ANKH: variants seen among roughly 807,000 people sequenced by gnomAD.
ANKH encodes mineralization regulator ANKH.
A neutral mutation model predicts 49.0 loss-of-function variants in ANKH; 15 were observed. The ratio of observed to expected loss-of-function variants is 0.31; its 90% CI spans 0.20 to 0.47. The LOEUF (loss-of-function observed/expected upper bound fraction) is 0.47, where lower values mean the gene tolerates loss of function less well. Among genes scored for constraint, ANKH ranks in the 20% least tolerant of loss-of-function variants. ANKH has a pLI of 1.00. For synonymous variants in ANKH, 273 were observed against 260.0 expected, an observed-to-expected ratio of 1.05 and a Z score of -0.48; for missense variants, 429 against 652.0, an observed-to-expected ratio of 0.66 and a Z score of 3.72.
chr5:14,812,621 T>A (rs73050667), intron 1 of ANKH, among the ~76,000 whole-genome samples: 2,883 of 152,136 alleles, frequency 0.019, 68 homozygotes, highest in African/African-American at 0.053. Flanking sequence ...GCAATAATCC[T>A]ACTAAGTCAG....
At position 14,711,217 on chromosome 5, in the gene ANKH, T is replaced by C. The variant is rs1737177648; in HGVS notation, c.1459A>G (p.Met487Val). The change falls in exon 12 of 12, where the codon ATG becomes GTG. Residue 487 changes from methionine (M) to valine (V), a missense_variant. Around this residue, in one of 2 missense-constraint regions of ANKH, gnomAD observed 51 missense variants for 36.7 expected, o/e 1.39. Coordinates refer to ENST00000284268, the MANE Select transcript of ANKH (RefSeq NM_054027.6). The stretch of plus-strand genomic sequence containing the variant: ...GTGCCTTATTCATTCTCCTCTCTCA[T>C]TTCCACGATGTCTGTCACCTCCTCT... ...PTEEVTDIVE[M>V]REENE 6.2e-7 allele frequency: 1 copy of C among 1,614,036 alleles called. No homozygotes were observed. Among genetic ancestry groups the C allele is most frequent in the African/African-American group, 1.3e-5 (1 of 74,928 alleles).
chr5:14,710,217 T>C lies in ANKH; in HGVS notation c.*980A>G, dbSNP rs1737113872. ...CCAGGTAATATATCTACTTCAAAAGTTACCCTACAGCAACCTGGCATTAGA... is the reference window on the plus strand; with the variant it reads ...CCAGGTAATATATCTACTTCAAAAGCTACCCTACAGCAACCTGGCATTAGA... On this transcript the variant is annotated 3_prime_UTR_variant, in exon 12 of 12. Coordinates refer to ENST00000284268, the MANE Select transcript of ANKH (RefSeq NM_054027.6). The C allele has an allele frequency of 6.6e-6, 1 of 152,120 alleles. No individual in the cohort carries two copies. Among genetic ancestry groups the C allele is most frequent in the Non-Finnish European group, 1.5e-5 (1 of 68,016 alleles). The allele number at this position is 152,120 out of a possible 1,614,324, so 9.4% of individuals were successfully genotyped here. A position where few individuals can be genotyped will look rare whatever the true frequency, so the allele number is the denominator to read the frequency against.
At chr5:14,780,358 C>G (rs1017461692) in intron 1 of ANKH, among the ~76,000 whole-genome samples, 6 of 152,274 alleles carry the variant, frequency 3.9e-5, no homozygotes, top group African/African-American at 1.2e-4. Flanking sequence ...GCCTGGCCAA[C>G]GTGGCAAAAC....
intron 1 of ANKH, among the ~76,000 whole-genome samples, chr5:14,820,754 A>G (rs1255976363): frequency 2.6e-5 from 4 of 152,238 alleles, no homozygotes; most frequent in Non-Finnish European, 5.9e-5. Flanking sequence ...GAGCTTAACT[A>G]AAGTTTGGTA....
At chr5:14,742,413 T>G (rs906726654) in intron 7 of ANKH, among the ~76,000 whole-genome samples, 2 of 152,240 alleles carry the variant, frequency 1.3e-5, no homozygotes, top group African/African-American at 2.4e-5. Flanking sequence ...TTTCCAGCCA[T>G]GACTTCTCCA....
intron 11 of ANKH, among the ~76,000 whole-genome samples, chr5:14,711,729 C>G (rs780526614): frequency 6.6e-6 from 1 of 152,238 alleles, no homozygotes; most frequent in Non-Finnish European, 1.5e-5. Flanking sequence ...CGTCAGTCAC[C>G]TCTGGGACAG....
rs1470157779 is a variant in ANKH, at chr5:14,736,039, A to T, written c.1011+5788T>A. Among the ~76,000 whole-genome samples the T allele has an allele frequency of 1.8e-4, 15 of 83,706 alleles. 1 individual carries two copies. Among genetic ancestry groups the T allele is most frequent in the African/African-American group, 4.7e-4 (8 of 16,926 alleles). 54.9% of individuals were successfully genotyped at this position (83,706 alleles called of 152,430 possible). A position where few individuals can be genotyped will look rare whatever the true frequency, so the allele number is the denominator to read the frequency against. On this transcript the variant is annotated intron_variant, in intron 8 of 11. Coordinates refer to ENST00000284268, the MANE Select transcript of ANKH (RefSeq NM_054027.6). ...TTTTTTTTTTTTTTTTTTTTTTTTT[A>T]AAGAATCAGATCCTTAAATACAAAC...
intron 1 of ANKH, chr5:14,797,075 T>C: frequency 1.5e-6 from 2 of 1,337,624 alleles, no homozygotes; most frequent in Non-Finnish European, 2.1e-6. Flanking sequence ...ACTCTCGGGG[T>C]TGAGAAGAAA....
rs1561038096 is a variant in ANKH, at chr5:14,751,255, ACGGGAACAGGTCAGAGGGGAGAAG to A, written c.517-40_517-17del. On this transcript the variant is annotated splice_polypyrimidine_tract_variant and intron_variant, in intron 4 of 11. Transcript: ENST00000284268. ...CAAAAACAACCTGAGAGAAGGGAGAACGGGAACAGGTCAGAGGGGAGAAGCGGGAACCGACTGACAGAAGCACAG... is the reference window on the plus strand; with the variant it reads ...CAAAAACAACCTGAGAGAAGGGAGAACGGGAACCGACTGACAGAAGCACAG... 2 of 1,613,724 alleles carry A rather than the reference ACGGGAACAGGTCAGAGGGGAGAAG, an allele frequency of 1.2e-6. No homozygotes were observed.
At position 14,861,060 on chromosome 5, in the gene ANKH, G is replaced by A. The variant is rs553578699; in HGVS notation, c.96+10292C>T. Among the ~76,000 whole-genome samples the A allele has an allele frequency of 9.8e-5, 15 of 152,294 alleles. No individual in the cohort carries two copies. The South Asian group carries it at 2.7e-3, about 27-fold the overall frequency. ...GGCCTCCCAAAGTGCTGGCAGGCAT[G>A]AGCCACCGTGCCCGGCCTACATATA... On this transcript the variant is annotated intron_variant, in intron 1 of 11. Transcript: ENST00000284268.
At chr5:14,783,018 T>C (rs1739857203) in intron 1 of ANKH, among the ~76,000 whole-genome samples, 1 of 152,190 alleles carries the variant, frequency 6.6e-6, no homozygotes, top group Admixed American at 6.5e-5. Flanking sequence ...GTGGGGTTCA[T>C]TTACTTCTGC....
Position 14,713,244 on chromosome 5 carries a change from C to A in ANKH, c.1266-271G>T, listed in dbSNP as rs956191897. Reference sequence around the variant, plus strand: ...GCTGGGAGCTCCCTGAGCGCAGGGACCATGTCCTTCTCTTCTGGTTTTCAT... The same window carrying A: ...GCTGGGAGCTCCCTGAGCGCAGGGAACATGTCCTTCTCTTCTGGTTTTCAT... On this transcript the variant is annotated intron_variant, in intron 10 of 11. Transcript: ENST00000284268. This position sits in a 1 kb window ranked among gnomAD's most constrained non-coding sequence, Gnocchi z 4.4. Among the ~76,000 whole-genome samples, 3 of 152,154 alleles carry A rather than the reference C, an allele frequency of 2.0e-5. No individual in the cohort carries two copies. Among genetic ancestry groups the A allele is most frequent in the Admixed American group, 6.5e-5 (1 of 15,286 alleles).
At chr5:14,780,439 A>G (rs1739771678) in intron 1 of ANKH, among the ~76,000 whole-genome samples, 1 of 152,200 alleles carries the variant, frequency 6.6e-6, no homozygotes, top group Non-Finnish European at 1.5e-5. Flanking sequence ...GCTACTTGGC[A>G]GGCTGAGGCG....
Position 14,717,868 on chromosome 5 carries a change from T to A in ANKH, c.1012-1033A>T, listed in dbSNP as rs528250398. ...CTCTGATAAACATTTACTTTGAGAG[T>A]CATGTCAGCGCTCAAAAGTTTCAGA... On this transcript the variant is annotated intron_variant, in intron 8 of 11. Coordinates refer to ENST00000284268, the MANE Select transcript of ANKH (RefSeq NM_054027.6). Among the ~76,000 whole-genome samples the A allele has an allele frequency of 3.3e-5, 5 of 152,236 alleles. No homozygotes were observed. In the East Asian group the frequency reaches 9.7e-4, roughly 29 times the overall value.
chr5:14,859,045 TC>T (rs1261242667), intron 1 of ANKH, among the ~76,000 whole-genome samples: 1 of 152,086 alleles, frequency 6.6e-6, no homozygotes, highest in Non-Finnish European at 1.5e-5. Context: ...TAAAAATGTA[TC>T]ATTTTAATAA....
chr5:14,738,428 G>A (rs1178404697), intron 8 of ANKH, among the ~76,000 whole-genome samples: 1 of 152,186 alleles, frequency 6.6e-6, no homozygotes, highest in Non-Finnish European at 1.5e-5. Flanking sequence ...AAAAGACTCA[G>A]GGATAAAGCT....
chr5:14,718,401 C>T (rs549499107), intron 8 of ANKH, among the ~76,000 whole-genome samples: 1 of 151,400 alleles, frequency 6.6e-6, no homozygotes, highest in African/African-American at 2.4e-5. Flanking sequence ...TAAGAGGAAA[C>T]AAAGATAATA....
chr5:14,861,781 C>T (rs1453150523), intron 1 of ANKH, among the ~76,000 whole-genome samples: 1 of 152,188 alleles, frequency 6.6e-6, no homozygotes, highest in Non-Finnish European at 1.5e-5. Context: ...CCAAAACATC[C>T]TCCCCCGAAC....
intron 1 of ANKH, among the ~76,000 whole-genome samples, chr5:14,791,466 G>A (rs943074354): frequency 1.3e-5 from 2 of 152,124 alleles, no homozygotes; most frequent in African/African-American, 4.8e-5. Flanking sequence ...GCCTACCCAA[G>A]CTCCTACGGC....
Sources: gnomAD v4.1 joint callset for allele counts (sites outside exome capture counted in the v4.1 genomes callset) on GRCh38, gnomAD v4.1.1 for gene constraint, gnomAD v4.1.1 regional missense constraint, Gnocchi (gnomAD v3.1) non-coding constraint, MANE v1.5 for transcripts, NCBI Gene and HGNC (gene_info 2026-07-23, HGNC 2026-07-21) for gene names.